Variants in NDUFB4 observed in about 807,000 individuals in gnomAD.
NDUFB4 encodes NADH dehydrogenase [ubiquinone] 1 beta subcomplex subunit 4.
NDUFB4 carries 10 observed loss-of-function variants against 14.5 expected under a neutral mutation model. That is an observed-to-expected ratio of 0.69 (90% confidence interval 0.43 to 1.17). The LOEUF (loss-of-function observed/expected upper bound fraction) is 1.17. Ranked by LOEUF, NDUFB4 falls within the 50% of genes most tolerant of loss-of-function variation. NDUFB4 has a pLI of 0.00. For synonymous variants in NDUFB4, 65 were observed against 63.4 expected, an observed-to-expected ratio of 1.03 and a Z score of -0.12; for missense variants, 165 against 161.1, an observed-to-expected ratio of 1.02 and a Z score of -0.13.
chr3:120,601,372 C>T (rs986681128), intron 2 of NDUFB4, 115 bp downstream of exon 2: 17 of 1,525,630 alleles, frequency 1.1e-5, no homozygotes, highest in South Asian at 4.0e-5. Flanking sequence ...TTGGGGCTGT[C>T]CTCTGCCTTC....
chr3:120,598,943 G>GGGGGAAAGGACAGGATC (rs1940011417), intron 1 of NDUFB4, among the ~76,000 whole-genome samples: 2 of 152,122 alleles, frequency 1.3e-5, no homozygotes, highest in African/African-American at 4.8e-5. Context: ...AATTGACTAT[G>GGGGGAAAGGACAGGATC]GGGGAAAGGA....
In NDUFB4 at chr3:120,596,446, C is replaced by G; in HGVS notation, c.87C>G (p.Thr29=). The G allele has an allele frequency of 6.2e-7, 1 of 1,614,082 alleles. No homozygotes were observed. Among genetic ancestry groups the G allele is most frequent in the Admixed American group, 1.7e-5 (1 of 60,020 alleles). Residue 29 remains threonine (T), a synonymous_variant, in exon 1 of 3, where the codon ACC becomes ACG. Transcript: ENST00000184266. ...CCGAATACAACATATCTCCGGAAAC[C>G]CGGCGGGCGCAAGCCGAGCGGTTGG... ...DPAEYNISPE[T]RRAQAERLAI...
In NDUFB4 at chr3:120,598,177, C is replaced by G. The variant is rs145072442; in HGVS notation, c.180+1638C>G. ...AAGCTGTCCTCCCACCTCCGCCTTC[C>G]AAGTAGCTGGGACCACAGATGTGCG... is the stretch of plus-strand genomic sequence containing the variant. On this transcript the variant is annotated intron_variant, in intron 1 of 2. Transcript: ENST00000184266. 3.9e-3 allele frequency among the ~76,000 whole-genome samples: 598 copies of G among 152,022 alleles called. 3 individuals carry two copies. The highest frequency in any genetic ancestry group is 6.2e-3 in the Non-Finnish European group (421 of 67,986).
chr3:120,598,818 G>C (rs1303629758), intron 1 of NDUFB4, among the ~76,000 whole-genome samples: 1 of 152,166 alleles, frequency 6.6e-6, no homozygotes, highest in Admixed American at 6.5e-5. Flanking sequence ...GTGGAGAAAG[G>C]TGAGGGCAGA....
chr3:120,601,683 A>G (rs974312248), intron 2 of NDUFB4: 17 of 1,028,626 alleles, frequency 1.7e-5, no homozygotes, highest in Admixed American at 5.3e-5. Context: ...ATTGGAGAGA[A>G]AGTCAAGCTG....
At chr3:120,599,574 G>T (rs755901956) in intron 1 of NDUFB4, among the ~76,000 whole-genome samples, 6 of 152,128 alleles carry the variant, frequency 3.9e-5, no homozygotes, top group Admixed American at 6.5e-5. Flanking sequence ...CACCATGTCA[G>T]ATGCTACTGA....
intron 1 of NDUFB4, among the ~76,000 whole-genome samples, chr3:120,597,573 C>G (rs143386022): frequency 1.3e-5 from 2 of 152,168 alleles, no homozygotes; most frequent in Non-Finnish European, 2.9e-5. Context: ...TTTTTGAGTA[C>G]TATTTACATA....
chr3:120,601,050 A>G (rs1940049669), intron 1 of NDUFB4, 61 bp from the exon 2 acceptor site: 1 of 1,459,656 alleles, frequency 6.9e-7, no homozygotes, highest in African/African-American at 1.4e-5. Context: ...AGTCCCTATG[A>G]ATTTGTTTCT....
At chr3:120,600,391 T>G (rs1365597471) in intron 1 of NDUFB4, among the ~76,000 whole-genome samples, 3 of 152,234 alleles carry the variant, frequency 2.0e-5, no homozygotes, top group East Asian at 1.9e-4. Context: ...ATTTATGTGT[T>G]TGTGGGTAGA....
chr3:120,598,611 A>G (rs1056415629), intron 1 of NDUFB4, among the ~76,000 whole-genome samples: 7 of 152,152 alleles, frequency 4.6e-5, no homozygotes, highest in African/African-American at 1.7e-4. Context: ...TAGGGGAGGT[A>G]AGCAGCTACA....
chr3:120,597,045 A>C (rs1481513129), intron 1 of NDUFB4, among the ~76,000 whole-genome samples: 1 of 146,514 alleles, frequency 6.8e-6, no homozygotes, highest in African/African-American at 2.5e-5. Context: ...CATATATATT[A>C]TATTCTATAT....
chr3:120,600,930 A>T, intron 1 of NDUFB4, 181 bp from the exon 2 acceptor site: 2 of 577,574 alleles, frequency 3.5e-6, no homozygotes. Flanking sequence ...AGATCATTAG[A>T]ATTCAAAAAA....
In NDUFB4 at chr3:120,596,410, C is replaced by T; in HGVS notation, c.51C>T (p.Thr17=). 1 of 1,614,176 alleles carries T rather than the reference C, an allele frequency of 6.2e-7. No individual in the cohort carries two copies. The highest frequency in any genetic ancestry group is 8.5e-7 in the Non-Finnish European group (1 of 1,180,030). Residue 17 remains threonine, a synonymous_variant, in exon 1 of 3, where the codon ACC becomes ACT. Coordinates refer to ENST00000184266, the MANE Select transcript of NDUFB4 (RefSeq NM_004547.6). ...CGAGCCTGCGCACTCTGCCTGAGAC[C>T]CTCGACCCAGCCGAATACAACATAT... ...KPSSLRTLPE[T]LDPAEYNISP... is the part of the protein sequence containing the mutation.
At chr3:120,601,356 C>A in intron 2 of NDUFB4, 99 bp downstream of exon 2, 2 of 1,570,074 alleles carry the variant, frequency 1.3e-6, no homozygotes, top group Non-Finnish European at 1.7e-6. Context: ...CAGTGCCCCT[C>A]CCACCTTGGG....
chr3:120,599,923 T>C (rs894044243), intron 1 of NDUFB4, among the ~76,000 whole-genome samples: 9 of 151,956 alleles, frequency 5.9e-5, no homozygotes, highest in African/African-American at 2.2e-4. Context: ...TTGTTGGCAG[T>C]ATAGGCATAA....
rs1940054107 is a variant in NDUFB4, at chr3:120,601,220, C to T, written c.290C>T (p.Pro97Leu). 6.2e-7 allele frequency: 1 copy of T among 1,613,952 alleles called. No homozygotes were observed. The highest frequency in any genetic ancestry group is 1.3e-5 in the African/African-American group (1 of 74,996). Residue 97 changes from proline to leucine, a missense_variant, in exon 2 of 3, where the codon CCC becomes CTC. Pro to Leu is a moderately conservative substitution (Grantham distance 98). Transcript: ENST00000184266. ...ATGGGAGCTCTGTGTGGATTTGGGC[C>T]CCTCATCTTCATTTATTATATTATC... ...SLMGALCGFGPLIFIYYIIKT... is the reference protein window; with the variant it reads ...SLMGALCGFGLLIFIYYIIKT...
rs549412291 is a variant in NDUFB4 at position 120,597,924 on chromosome 3, C to T, written c.180+1385C>T. On this transcript the variant is annotated intron_variant, in intron 1 of 2. Coordinates refer to ENST00000184266, the MANE Select transcript of NDUFB4 (RefSeq NM_004547.6). Reference sequence around the variant, plus strand: ...GATCTTCTGTCTTCTAGCTGTATGCCTCAGGGTAGTTTCAATTTTCTCATG... The same window carrying T: ...GATCTTCTGTCTTCTAGCTGTATGCTTCAGGGTAGTTTCAATTTTCTCATG... Among the ~76,000 whole-genome samples, 63 of 152,236 alleles carry T rather than the reference C, an allele frequency of 4.1e-4. 1 individual carries two copies. Among genetic ancestry groups the T allele is most frequent in the African/African-American group, 1.3e-3 (52 of 41,528 alleles).
At chr3:120,597,170 A>G (rs1354292437) in intron 1 of NDUFB4, among the ~76,000 whole-genome samples, 1 of 151,470 alleles carries the variant, frequency 6.6e-6, no homozygotes, top group Non-Finnish European at 1.5e-5. Context: ...GATTCCTTCA[A>G]CCTGCATCTT....
chr3:120,601,364 G>T, intron 2 of NDUFB4, 107 bp downstream of exon 2: 1 of 1,542,806 alleles, frequency 6.5e-7, no homozygotes, highest in Non-Finnish European at 8.7e-7. Context: ...CTCCCACCTT[G>T]GGGCTGTCCT....
Sources: allele counts gnomAD v4.1 joint callset (sites outside exome capture counted in the v4.1 genomes callset), GRCh38; gene constraint gnomAD v4.1.1; transcripts MANE v1.5; gene names NCBI Gene and HGNC (gene_info 2026-07-23, HGNC 2026-07-21).